SEC16B: variants seen among roughly 807,000 people sequenced by gnomAD.
SEC16B encodes the protein protein transport protein Sec16B.
In SEC16B, 115 loss-of-function variants were observed where a neutral mutation model predicts 141.8. That is an observed-to-expected ratio of 0.81 (90% confidence interval 0.70 to 0.95). SEC16B has a LOEUF of 0.95. SEC16B is among the 40% of genes least tolerant of loss of function. SEC16B has a pLI of 0.00. For synonymous variants in SEC16B, 493 were observed against 492.5 expected (o/e 1.00, Z -0.01); for missense variants, 1,291 against 1,312.3 (o/e 0.98, Z 0.25).
chr1:177,939,011 C>A (rs1252431047), intron 18 of SEC16B, among the ~76,000 whole-genome samples: 1 of 152,208 alleles, frequency 6.6e-6, no homozygotes, highest in Non-Finnish European at 1.5e-5. Context: ...AGGCACCCAG[C>A]CGGGCTCTCC....
At chr1:177,948,042 G>T in intron 12 of SEC16B, 100 bp from the exon 13 acceptor site, 1 of 935,758 alleles carries the variant, frequency 1.1e-6, no homozygotes, top group Non-Finnish European at 1.7e-6. Context: ...AGTGGTCAGA[G>T]AATGCCCACT....
At position 177,958,300 on chromosome 1, in the gene SEC16B, G is replaced by A. The variant is rs541396662; in HGVS notation, c.1197C>T (p.Tyr399=). 1.1e-5 allele frequency: 18 copies of A among 1,610,166 alleles called. 1 individual carries two copies. Among genetic ancestry groups the A allele is most frequent in the Middle Eastern group, 1.7e-4 (1 of 6,058 alleles). ...LMQDCKKLEK[Y]KRQPPVANLI... ...GGTTGGCCACAGGGGGCTGCCGCTT[G>A]TACTTCTCCAGCTTCTTGCAGTCTT... Residue 399 remains tyrosine (Y), a synonymous_variant, in exon 10 of 26, where the codon TAC becomes TAT. Coordinates refer to ENST00000308284, the MANE Select transcript of SEC16B (RefSeq NM_033127.4).
At chr1:177,941,344 A>C (rs1351961316) in intron 16 of SEC16B, among the ~76,000 whole-genome samples, 1 of 152,242 alleles carries the variant, frequency 6.6e-6, no homozygotes, top group Non-Finnish European at 1.5e-5. Context: ...ATGGCAAAGC[A>C]AAAATTTAAG....
At chr1:177,966,281 T>C (rs1263629215) in intron 2 of SEC16B, among the ~76,000 whole-genome samples, 1 of 152,206 alleles carries the variant, frequency 6.6e-6, no homozygotes, top group African/African-American at 2.4e-5. Flanking sequence ...ACTCTTTTAT[T>C]TTGTAGTAAA....
At chr1:177,930,360 A>G (rs761798742) in intron 25 of SEC16B, among the ~76,000 whole-genome samples, 185 bp downstream of exon 25, 1 of 152,202 alleles carries the variant, frequency 6.6e-6, no homozygotes, top group African/African-American at 2.4e-5. Context: ...GGCCCTTCAT[A>G]TACATATCTC....
chr1:177,954,674 G>A (rs1180241577), intron 10 of SEC16B, among the ~76,000 whole-genome samples: 1 of 152,126 alleles, frequency 6.6e-6, no homozygotes, highest in African/African-American at 2.4e-5. Context: ...CGTAGCACTT[G>A]AACATCATGA....
chr1:177,955,022 T>A lies in SEC16B; in HGVS notation c.1366-646A>T, dbSNP rs181351197. 2.9e-3 allele frequency among the ~76,000 whole-genome samples: 448 copies of A among 152,060 alleles called. 1 individual carries two copies. Among genetic ancestry groups the A allele is most frequent in the Middle Eastern group, 0.024 (7 of 294 alleles). ...CTTTCTAAATATGACCCCCAGAAACTTACAATTTTGCACAGAAAGCCCTAA... is the reference window on the plus strand; with the variant it reads ...CTTTCTAAATATGACCCCCAGAAACATACAATTTTGCACAGAAAGCCCTAA... On this transcript the variant is annotated intron_variant, in intron 10 of 25. Coordinates refer to ENST00000308284, the MANE Select transcript of SEC16B (RefSeq NM_033127.4).
intron 3 of SEC16B, among the ~76,000 whole-genome samples, chr1:177,965,491 T>C (rs575563826): frequency 3.9e-4 from 59 of 152,140 alleles, no homozygotes; most frequent in African/African-American, 9.9e-4. Flanking sequence ...CCTATTAGCA[T>C]ACGGTAGAAC....
chr1:177,961,895 A>G (rs1199928016), intron 5 of SEC16B, among the ~76,000 whole-genome samples, 161 bp from the exon 6 acceptor site: 1 of 152,194 alleles, frequency 6.6e-6, no homozygotes, highest in Non-Finnish European at 1.5e-5. Context: ...ATATATTATG[A>G]CCCAATGGAA....
chr1:177,982,297 T>C (rs908610389), intron 1 of SEC16B, among the ~76,000 whole-genome samples: 3 of 152,168 alleles, frequency 2.0e-5, no homozygotes, highest in African/African-American at 4.8e-5. Flanking sequence ...TTTTTACTTG[T>C]GGTGGAAAGC....
intron 15 of SEC16B, 103 bp downstream of exon 15, chr1:177,944,458 A>T: frequency 1.2e-6 from 1 of 824,792 alleles, no homozygotes; most frequent in East Asian, 2.4e-5. Context: ...AGTTCAGTAG[A>T]TAACTTAGCC....
Position 177,932,554 on chromosome 1 carries a change from C to G in SEC16B, c.2948G>C (p.Arg983Pro). The part of the protein sequence containing the change: ...FSRGRGGGEG[R>P]GSASSGGAAA... ...TGCTCCCCCGCTGGATGCGGATCCT[C>G]GGCCTTCACCCCCACCTGGAAAGTA... The change falls in exon 24 of 26, where the codon CGA becomes CCA. Residue 983 changes from arginine to proline, a missense_variant. Physicochemically the swap from Arg to Pro is moderately radical, Grantham distance 103. Transcript: ENST00000308284. 6.4e-7 allele frequency: 1 copy of G among 1,559,702 alleles called. No individual in the cohort carries two copies. The highest frequency in any genetic ancestry group is 8.7e-7 in the Non-Finnish European group (1 of 1,152,724).
chr1:177,940,818 G>A, intron 16 of SEC16B, 104 bp from the exon 17 acceptor site: 3 of 692,600 alleles, frequency 4.3e-6, no homozygotes, highest in East Asian at 2.9e-5. Flanking sequence ...CAAGGAAAAA[G>A]GAGAAAGAGA....
intron 10 of SEC16B, among the ~76,000 whole-genome samples, chr1:177,957,660 A>C (rs2101971204): frequency 6.6e-6 from 1 of 152,334 alleles, no homozygotes; most frequent in South Asian, 2.1e-4. Flanking sequence ...TGTGTTACAA[A>C]CAACCCAATT....
intron 7 of SEC16B, 191 bp from the exon 8 acceptor site, chr1:177,960,594 T>G: frequency 1.4e-6 from 1 of 692,954 alleles, no homozygotes; most frequent in Non-Finnish European, 2.5e-6. Context: ...AACACAACTG[T>G]AGCATCAATT....
chr1:177,930,013 C>A, intron 25 of SEC16B, 84 bp from the exon 26 acceptor site: 2 of 1,325,070 alleles, frequency 1.5e-6, no homozygotes, highest in Admixed American at 3.9e-5. Flanking sequence ...GGAGCTAGGG[C>A]ACCCTGAGCC....
At chr1:177,964,800 G>A (rs1258620895) in intron 4 of SEC16B, among the ~76,000 whole-genome samples, 1 of 152,174 alleles carries the variant, frequency 6.6e-6, no homozygotes, top group South Asian at 2.1e-4. Context: ...CAGACCTCAA[G>A]GAACCTCACA....
chr1:177,948,062 G>A, intron 12 of SEC16B, 120 bp from the exon 13 acceptor site: 1 of 795,150 alleles, frequency 1.3e-6, no homozygotes, highest in Non-Finnish European at 2.1e-6. Flanking sequence ...TCTACCACCT[G>A]CAATGCTGCC....
chr1:177,964,558 A>T (rs1386287905), intron 4 of SEC16B, among the ~76,000 whole-genome samples: 1 of 152,206 alleles, frequency 6.6e-6, no homozygotes, highest in African/African-American at 2.4e-5. Flanking sequence ...GACTTACATC[A>T]GAGTGTTTAG....
Sources: gnomAD v4.1 joint callset for allele counts (sites outside exome capture counted in the v4.1 genomes callset) on GRCh38, gnomAD v4.1.1 for gene constraint, MANE v1.5 for transcripts, NCBI Gene and HGNC (gene_info 2026-07-23, HGNC 2026-07-21) for gene names.